Variants in FAAH2 observed in about 807,000 individuals in gnomAD.
FAAH2 encodes the protein fatty-acid amide hydrolase 2.
A neutral mutation model predicts 36.9 loss-of-function variants in FAAH2; 60 were observed. The ratio of observed to expected loss-of-function variants is 1.63; its 90% CI spans 1.32 to 2.02. FAAH2 has a LOEUF of 2.02. Ranked by LOEUF, FAAH2 falls within the 30% of genes most tolerant of loss-of-function variation. The probability of loss-of-function intolerance (pLI) is 0.00; values close to 1 mark genes in which losing one functional copy is unlikely to be tolerated. For missense variants in FAAH2, 689 were observed against 397.5 expected (o/e 1.73, Z -6.23); for synonymous variants, 214 against 143.8 (o/e 1.49, Z -3.49).
Position 57,383,288 on chromosome X carries a change from C to T in FAAH2, c.996+2259C>T, listed in dbSNP as rs897019998. ...CACAAGACAGCGATGCTGTCTCTCA[C>T]CACTCCTATGCAACATAGTGTTGGA... On this transcript the variant is annotated intron_variant, in intron 7 of 10. Coordinates refer to ENST00000374900, the MANE Select transcript of FAAH2 (RefSeq NM_174912.4). Among the ~76,000 whole-genome samples the T allele has an allele frequency of 3.6e-5, 4 of 112,062 alleles. No homozygotes were observed. The South Asian group carries it at 1.5e-3, about 41-fold the overall frequency.
chrX:57,395,772 A>G (rs897210780), intron 7 of FAAH2, among the ~76,000 whole-genome samples: 2 of 112,097 alleles, frequency 1.8e-5, no homozygotes, highest in African/African-American at 3.2e-5. Context: ...TTGTGGATTT[A>G]TGCATCAGTA....
chrX:57,176,002 A>AT, the FAAH2 span, among the ~76,000 whole-genome samples: 1 of 110,410 alleles, frequency 9.1e-6, no homozygotes, highest in Non-Finnish European at 1.9e-5. Context: ...TGCTTTTAGA[A>AT]TTTTTTTTCC....
the FAAH2 span, among the ~76,000 whole-genome samples, chrX:57,164,936 G>A: frequency 1.8e-5 from 2 of 112,206 alleles, no homozygotes; most frequent in Non-Finnish European, 3.8e-5. Context: ...TTGGACCTTC[G>A]TTATCATAAG....
intron 5 of FAAH2, among the ~76,000 whole-genome samples, chrX:57,376,870 T>C (rs1266988803): frequency 8.9e-6 from 1 of 112,604 alleles, no homozygotes; most frequent in Non-Finnish European, 1.9e-5. Context: ...AGATGGTATC[T>C]CATTGTGGTT....
the FAAH2 span, among the ~76,000 whole-genome samples, chrX:57,131,174 T>C: frequency 1.9e-5 from 2 of 104,874 alleles, no homozygotes; most frequent in Non-Finnish European, 2.0e-5. Context: ...CAAGCTCCGC[T>C]TCCCGGGTTC....
At chrX:57,267,240 C>T in the FAAH2 span, among the ~76,000 whole-genome samples, 324 of 112,766 alleles carry the variant, frequency 2.9e-3, 1 homozygote, top group Non-Finnish European at 4.6e-3. Flanking sequence ...GCAGGTTTTG[C>T]TTTCCTTGCC....
intron 10 of FAAH2, among the ~76,000 whole-genome samples, chrX:57,473,936 G>A (rs2057215840): frequency 9.0e-6 from 1 of 111,295 alleles, no homozygotes; most frequent in African/African-American, 3.3e-5. Flanking sequence ...GTAGACTGCA[G>A]ATGGTTGGGT....
At chrX:57,355,621 T>A (rs181545386) in intron 5 of FAAH2, among the ~76,000 whole-genome samples, 2 of 110,611 alleles carry the variant, frequency 1.8e-5, no homozygotes, top group African/African-American at 6.6e-5. Context: ...GAAGTGTAAC[T>A]GATTTATTTT....
intron 10 of FAAH2, among the ~76,000 whole-genome samples, chrX:57,468,930 T>TG (rs888660314): frequency 3.6e-5 from 4 of 111,201 alleles, no homozygotes; most frequent in African/African-American, 1.3e-4. Flanking sequence ...CAGAAGAGAG[T>TG]GGGGGCCAAT....
At chrX:57,340,312 C>T (rs1445874781) in intron 4 of FAAH2, among the ~76,000 whole-genome samples, 1 of 111,591 alleles carries the variant, frequency 9.0e-6, no homozygotes, top group Non-Finnish European at 1.9e-5. Context: ...TGGGGATGGG[C>T]CTGCCTCTCC....
intron 4 of FAAH2, among the ~76,000 whole-genome samples, chrX:57,333,678 G>C (rs2053468164): frequency 9.0e-6 from 1 of 111,073 alleles, no homozygotes; most frequent in Non-Finnish European, 1.9e-5. Flanking sequence ...GAAACCTTCG[G>C]TGATGTGGAA....
intron 7 of FAAH2, among the ~76,000 whole-genome samples, chrX:57,412,189 C>T (rs1461875079): frequency 9.0e-6 from 1 of 111,371 alleles, no homozygotes; most frequent in East Asian, 2.8e-4. Flanking sequence ...ATTGTGATAC[C>T]AAACACTAGA....
chrX:57,406,348 ATGCTGTGT>A (rs2147321709), intron 7 of FAAH2, among the ~76,000 whole-genome samples: 1 of 112,401 alleles, frequency 8.9e-6, no homozygotes, highest in East Asian at 2.8e-4. Context: ...CGTTAGCACT[ATGCTGTGT>A]CAGCAGGTTT....
chrX:57,478,282 G>A (rs1292988440), intron 10 of FAAH2, among the ~76,000 whole-genome samples: 9 of 111,609 alleles, frequency 8.1e-5, no homozygotes, highest in Non-Finnish European at 1.7e-4. Context: ...CTTCATAAAT[G>A]TCTTCTTTTG....
At chrX:57,151,685 A>G in the FAAH2 span, among the ~76,000 whole-genome samples, 4 of 110,006 alleles carry the variant, frequency 3.6e-5, no homozygotes, top group African/African-American at 9.9e-5. Context: ...AAAGTTTTTA[A>G]CTTCTTTGCC....
At chrX:57,468,322 C>G (rs1359362747) in intron 10 of FAAH2, among the ~76,000 whole-genome samples, 5 of 111,210 alleles carry the variant, frequency 4.5e-5, no homozygotes, top group African/African-American at 1.6e-4. Context: ...AAGTTCGAAC[C>G]CAATGCAAAG....
chrX:57,224,983 A>T, the FAAH2 span, among the ~76,000 whole-genome samples: 4 of 112,177 alleles, frequency 3.6e-5, no homozygotes, highest in South Asian at 7.4e-4. Context: ...GTGTTAGTTG[A>T]AATATCTCCT....
At chrX:57,435,993 T>G (rs2056402782) in intron 8 of FAAH2, among the ~76,000 whole-genome samples, 1 of 111,258 alleles carries the variant, frequency 9.0e-6, no homozygotes, top group South Asian at 3.7e-4. Context: ...AATGAATTTT[T>G]TAACATTAAA....
the FAAH2 span, chrX:57,136,878 C>T: frequency 4.2e-5 from 27 of 643,428 alleles, no homozygotes; most frequent in African/African-American, 5.7e-4. Flanking sequence ...GCCCACTGCC[C>T]TCCCTTTACC....
Sources: allele counts gnomAD v4.1 joint callset (sites outside exome capture counted in the v4.1 genomes callset), GRCh38; gene constraint gnomAD v4.1.1; transcripts MANE v1.5; gene names NCBI Gene and HGNC (gene_info 2026-07-23, HGNC 2026-07-21).